Variants in ROBO2 observed in about 807,000 individuals in gnomAD.
ROBO2 encodes roundabout homolog 2.
In ROBO2, 53 loss-of-function variants were observed where a neutral mutation model predicts 160.8. The ratio of observed to expected loss-of-function variants is 0.33; its 90% CI spans 0.26 to 0.41. The LOEUF (loss-of-function observed/expected upper bound fraction) is 0.41, where lower values mean the gene tolerates loss of function less well. Ranked by LOEUF, ROBO2 falls within the 10% of genes least tolerant of loss-of-function variation. The probability of loss-of-function intolerance (pLI) is 1.00; values close to 1 mark genes in which losing one functional copy is unlikely to be tolerated. For missense variants in ROBO2, 1,577 were observed against 1,722.4 expected, an observed-to-expected ratio of 0.92 and a Z score of 1.49; for synonymous variants, 664 against 611.7, an observed-to-expected ratio of 1.09 and a Z score of -1.26.
intron 1 of ROBO2, among the ~76,000 whole-genome samples, chr3:77,044,972 T>C (rs566357731): frequency 1.3e-5 from 2 of 152,294 alleles, no homozygotes; most frequent in South Asian, 2.1e-4. Flanking sequence ...TCTTTTTTTT[T>C]CCATGTGTGC....
chr3:76,396,787 A>G (rs2077479101), intron 2 of ROBO2, among the ~76,000 whole-genome samples: 1 of 152,182 alleles, frequency 6.6e-6, no homozygotes, highest in African/African-American at 2.4e-5. Context: ...GACCTCCTCA[A>G]GGAGAACTAC....
At chr3:76,059,118 A>C (rs1194674015) in intron 2 of ROBO2, among the ~76,000 whole-genome samples, 1 of 151,796 alleles carries the variant, frequency 6.6e-6, no homozygotes, top group Non-Finnish European at 1.5e-5. Flanking sequence ...ATACGTGTGC[A>C]TGTGTCTTTA....
chr3:76,507,751 T>TC (rs2080868614), intron 2 of ROBO2, among the ~76,000 whole-genome samples: 1 of 151,644 alleles, frequency 6.6e-6, no homozygotes, highest in Non-Finnish European at 1.5e-5. Context: ...CTCATAAAGG[T>TC]CATGTACCAT....
chr3:77,286,077 T>A (rs1186557187), intron 2 of ROBO2, among the ~76,000 whole-genome samples: 1 of 152,130 alleles, frequency 6.6e-6, no homozygotes, highest in African/African-American at 2.4e-5. Flanking sequence ...TATCTGTGAA[T>A]AATCTGCGCA....
At chr3:76,297,883 G>A (rs1053385803) in intron 2 of ROBO2, among the ~76,000 whole-genome samples, 29 of 152,104 alleles carry the variant, frequency 1.9e-4, no homozygotes, top group African/African-American at 6.5e-4. Flanking sequence ...ATTTTCAAAA[G>A]GATAACAGCT....
In ROBO2 at chr3:76,790,090, A is replaced by G. The variant is rs958765458; in HGVS notation, c.110-307924A>G. Among the ~76,000 whole-genome samples, 3 of 151,682 alleles carry G rather than the reference A, an allele frequency of 2.0e-5. No individual in the cohort carries two copies. In the Admixed American group the frequency reaches 2.0e-4, roughly 10 times the overall value. ...AGTTTTGGTTAAGAAAATCATTGTC[A>G]TATGTGTTTGACTAGAATCAAGATT... On this transcript the variant is annotated intron_variant, in intron 2 of 26. Transcript: ENST00000487694.
At chr3:76,518,008 CA>C (rs1303475339) in intron 2 of ROBO2, among the ~76,000 whole-genome samples, 9 of 152,024 alleles carry the variant, frequency 5.9e-5, no homozygotes, top group Admixed American at 1.3e-4. Context: ...TATCATGCAT[CA>C]GGGGGTTCCT....
At chr3:76,634,968 T>C (rs984274430) in intron 2 of ROBO2, among the ~76,000 whole-genome samples, 3 of 152,226 alleles carry the variant, frequency 2.0e-5, no homozygotes, top group African/African-American at 7.2e-5. Context: ...ACACTCCTTA[T>C]GACAATATAA....
At chr3:76,565,129 G>T (rs531592941) in intron 2 of ROBO2, among the ~76,000 whole-genome samples, 1 of 152,150 alleles carries the variant, frequency 6.6e-6, no homozygotes, top group Non-Finnish European at 1.5e-5. Flanking sequence ...AATGGGGGAA[G>T]GTAGCTCTAC....
At chr3:77,537,108 G>GT (rs374946945) in intron 6 of ROBO2, among the ~76,000 whole-genome samples, 2 of 140,854 alleles carry the variant, frequency 1.4e-5, no homozygotes, top group Non-Finnish European at 3.1e-5. Context: ...GTGGGGGGGG[G>GT]GTGTATTACA....
intron 2 of ROBO2, among the ~76,000 whole-genome samples, chr3:76,035,623 T>C (rs1386604032): frequency 6.6e-6 from 1 of 152,082 alleles, no homozygotes; most frequent in African/African-American, 2.4e-5. Context: ...ATGTGCTTGC[T>C]TTCCAAGGCA....
intron 2 of ROBO2, among the ~76,000 whole-genome samples, chr3:76,785,666 AATG>A (rs537841247): frequency 1.0e-3 from 155 of 151,358 alleles, no homozygotes; most frequent in South Asian, 2.1e-3. Context: ...AGAGAGAAAG[AATG>A]ATGTTTTCAT....
chr3:77,109,637 G>A (rs892888886), intron 2 of ROBO2, among the ~76,000 whole-genome samples: 3 of 152,222 alleles, frequency 2.0e-5, no homozygotes, highest in South Asian at 2.1e-4. Flanking sequence ...GGCTTGCTAA[G>A]GGCCAGGCTT....
chr3:76,105,196 A>AG (rs1313931540), intron 2 of ROBO2, among the ~76,000 whole-genome samples: 1 of 152,016 alleles, frequency 6.6e-6, no homozygotes, highest in Non-Finnish European at 1.5e-5. Context: ...AAAAAAAAAA[A>AG]CACTATTCTG....
At chr3:76,702,891 A>G (rs1408488370) in intron 2 of ROBO2, among the ~76,000 whole-genome samples, 33 of 152,130 alleles carry the variant, frequency 2.2e-4, no homozygotes, top group Non-Finnish European at 1.0e-4. Flanking sequence ...TAATTAGCTA[A>G]TTCAATTCTT....
chr3:76,034,588 G>T lies in ROBO2; in HGVS notation c.109+96986G>T, dbSNP rs149566131. 2.2e-3 allele frequency among the ~76,000 whole-genome samples: 335 copies of T among 150,668 alleles called. 9 individuals carry two copies. The highest frequency in any genetic ancestry group is 8.0e-3 in the African/African-American group (321 of 40,006). ...GTTCTGTGTGTTAGAATGTTTTTGT[G>T]GGGGTAGGAAAAATATTTATTTTGC... On this transcript the variant is annotated intron_variant, in intron 2 of 26. Transcript: ENST00000487694.
intron 2 of ROBO2, among the ~76,000 whole-genome samples, chr3:77,388,417 A>AAAAC (rs760451280): frequency 1.3e-5 from 2 of 152,102 alleles, no homozygotes; most frequent in Non-Finnish European, 2.9e-5. Context: ...CTTGTCTCTA[A>AAAAC]AAACAAACAA....
intron 2 of ROBO2, among the ~76,000 whole-genome samples, chr3:76,003,988 T>C (rs1051335634): frequency 3.3e-5 from 5 of 152,138 alleles, no homozygotes; most frequent in Admixed American, 2.6e-4. Context: ...TGGAAAACAA[T>C]AGGGAAGTTT....
chr3:76,083,812 C>A (rs1025493467), intron 2 of ROBO2, among the ~76,000 whole-genome samples: 2 of 151,848 alleles, frequency 1.3e-5, no homozygotes, highest in Non-Finnish European at 2.9e-5. Flanking sequence ...CAGGTGCACA[C>A]CCTTTTCTCT....
Sources: gnomAD v4.1 joint callset for allele counts (sites outside exome capture counted in the v4.1 genomes callset) on GRCh38, gnomAD v4.1.1 for gene constraint, MANE v1.5 for transcripts, NCBI Gene and HGNC (gene_info 2026-07-23, HGNC 2026-07-21) for gene names.